Variants in CMTM8 observed in about 807,000 individuals in gnomAD.
The protein encoded by CMTM8 is CKLF-like MARVEL transmembrane domain-containing protein 8.
In CMTM8, 12 loss-of-function variants were observed where a neutral mutation model predicts 18.6. The observed-to-expected ratio is 0.65, with a 90% CI of 0.41 to 1.05. The LOEUF (loss-of-function observed/expected upper bound fraction) is 1.05. CMTM8 is among the 50% of genes least tolerant of loss of function. The probability of loss-of-function intolerance (pLI) is 0.00; values close to 1 mark genes in which losing one functional copy is unlikely to be tolerated. For synonymous variants in CMTM8, 87 were observed against 90.6 expected (o/e 0.96, Z 0.23); for missense variants, 217 against 227.2 (o/e 0.95, Z 0.29).
In CMTM8 at chr3:32,318,953, G is replaced by A. The variant is rs1019736932; in HGVS notation, c.148-38420G>A. On this transcript the variant is annotated intron_variant, in intron 1 of 3. Coordinates refer to ENST00000307526, the MANE Select transcript of CMTM8 (RefSeq NM_178868.5). ...CAGGATTTTAAGTGAAATTCTAGAT[G>A]GCATATCATTTCGTCCATAAATATT... is the stretch of plus-strand genomic sequence containing the variant. Among the ~76,000 whole-genome samples the A allele has an allele frequency of 3.9e-4, 58 of 149,248 alleles. 1 individual carries two copies. Among genetic ancestry groups the A allele is most frequent in the Admixed American group, 2.8e-3 (42 of 14,920 alleles).
chr3:32,346,636 G>T (rs1696601117), intron 1 of CMTM8, among the ~76,000 whole-genome samples: 1 of 151,860 alleles, frequency 6.6e-6, no homozygotes, highest in Admixed American at 6.6e-5. Flanking sequence ...TTTTATAAGG[G>T]TACTAATCTC....
chr3:32,251,390 C>T lies in CMTM8; in HGVS notation c.147+12271C>T, dbSNP rs149292461. Among the ~76,000 whole-genome samples the T allele has an allele frequency of 3.3e-3, 499 of 152,052 alleles. 2 individuals carry two copies. Among genetic ancestry groups the T allele is most frequent in the African/African-American group, 0.011 (455 of 41,494 alleles). ...GTGCAGTGGTGTGATCATTGCTTAC[C>T]GCAGCCTCAACCTCCTGGGCTCAGG... On this transcript the variant is annotated intron_variant, in intron 1 of 3. Transcript: ENST00000307526.
chr3:32,358,332 T>C lies in CMTM8; in HGVS notation c.321+786T>C, dbSNP rs1696856506. 6.6e-6 allele frequency among the ~76,000 whole-genome samples: 1 copy of C among 152,224 alleles called. No homozygotes were observed. Among genetic ancestry groups the C allele is most frequent in the Non-Finnish European group, 1.5e-5 (1 of 68,046 alleles). ...CACAGAGATGGAAAGTGGGTTCCCC[T>C]TGCCTTAAGAGCATTGACAATCTGG... On this transcript the variant is annotated intron_variant, in intron 2 of 3. Coordinates refer to ENST00000307526, the MANE Select transcript of CMTM8 (RefSeq NM_178868.5). The surrounding 1 kb of genome is among the most constrained non-coding windows in gnomAD (Gnocchi z 4.1).
At chr3:32,339,232 G>C (rs1696446285) in intron 1 of CMTM8, among the ~76,000 whole-genome samples, 2 of 152,184 alleles carry the variant, frequency 1.3e-5, no homozygotes, top group Admixed American at 6.5e-5. Flanking sequence ...GGGAAAATCA[G>C]GGTCCTGTGG....
intron 1 of CMTM8, among the ~76,000 whole-genome samples, chr3:32,251,186 A>G (rs1418052527): frequency 1.3e-5 from 2 of 152,212 alleles, no homozygotes; most frequent in Non-Finnish European, 2.9e-5. Context: ...GTCAGAGAGA[A>G]CACCAGCTAT....
At chr3:32,311,033 A>G (rs1231582091) in intron 1 of CMTM8, among the ~76,000 whole-genome samples, 1 of 152,222 alleles carries the variant, frequency 6.6e-6, no homozygotes, top group Non-Finnish European at 1.5e-5. Flanking sequence ...GTAAATTACT[A>G]ATGTAAACGA....
chr3:32,343,045 G>A (rs1184144056), intron 1 of CMTM8, among the ~76,000 whole-genome samples: 1 of 152,182 alleles, frequency 6.6e-6, no homozygotes, highest in African/African-American at 2.4e-5. Flanking sequence ...ACCATGTGCG[G>A]TAGTGTCACC....
chr3:32,347,582 A>C (rs1249695442), intron 1 of CMTM8, among the ~76,000 whole-genome samples: 4 of 152,046 alleles, frequency 2.6e-5, no homozygotes, highest in African/African-American at 9.7e-5. Context: ...TTTGTAGCTA[A>C]TTTTGTCTCA....
chr3:32,270,075 C>A (rs1008305572), intron 1 of CMTM8, among the ~76,000 whole-genome samples: 1 of 151,710 alleles, frequency 6.6e-6, no homozygotes, highest in Admixed American at 6.6e-5. Flanking sequence ...TACCAAGCTA[C>A]CTGGCTAATT....
chr3:32,275,312 T>C (rs533439091), intron 1 of CMTM8, among the ~76,000 whole-genome samples: 38 of 152,256 alleles, frequency 2.5e-4, no homozygotes, highest in African/African-American at 8.7e-4. Context: ...GTGATCTTTT[T>C]CTGAGCAGAA....
Position 32,364,617 on chromosome 3 carries a change from G to A in CMTM8, c.322-3255G>A, listed in dbSNP as rs116120120. ...AATGCTAAGAAGAGAGGCAGGTGAA[G>A]CTCCAGGGGAGCCATCCTTCCCAAA... On this transcript the variant is annotated intron_variant, in intron 2 of 3. Transcript: ENST00000307526. Among the ~76,000 whole-genome samples the A allele has an allele frequency of 1.7e-3, 260 of 152,338 alleles. 1 individual carries two copies. The highest frequency in any genetic ancestry group is 6.0e-3 in the African/African-American group (249 of 41,582).
chr3:32,353,137 G>T lies in CMTM8; in HGVS notation c.148-4236G>T, dbSNP rs144797284. On this transcript the variant is annotated intron_variant, in intron 1 of 3. Transcript: ENST00000307526. ...GCCTCCCTAGTAGCTGGGATTACAGGCATGCACCACCATGCCCAGCTAATT... is the reference window on the plus strand; with the variant it reads ...GCCTCCCTAGTAGCTGGGATTACAGTCATGCACCACCATGCCCAGCTAATT... Among the ~76,000 whole-genome samples, 367 of 152,238 alleles carry T rather than the reference G, an allele frequency of 2.4e-3. 2 individuals are homozygous for T. The highest frequency in any genetic ancestry group is 8.4e-3 in the African/African-American group (348 of 41,546).
chr3:32,260,018 C>CAGG, intron 1 of CMTM8: 1 of 1,128,712 alleles, frequency 8.9e-7, no homozygotes, highest in East Asian at 2.4e-5. Context: ...GCACCAGGCC[C>CAGG]AGGAGTACAA....
chr3:32,335,573 C>T (rs1304759334), intron 1 of CMTM8, among the ~76,000 whole-genome samples: 1 of 152,156 alleles, frequency 6.6e-6, no homozygotes, highest in African/African-American at 2.4e-5. Flanking sequence ...GTTTACTGAC[C>T]TTGGCCATTG....
intron 1 of CMTM8, among the ~76,000 whole-genome samples, chr3:32,250,209 C>T (rs1702095134): frequency 2.6e-5 from 4 of 152,174 alleles, no homozygotes; most frequent in Admixed American, 2.6e-4. Flanking sequence ...TCTGGATTCT[C>T]AGTTATATTT....
chr3:32,331,440 A>G (rs542938911), intron 1 of CMTM8, among the ~76,000 whole-genome samples: 3 of 152,102 alleles, frequency 2.0e-5, no homozygotes, highest in Non-Finnish European at 4.4e-5. Context: ...AAAATGTACT[A>G]TATGACCCAA....
Position 32,267,348 on chromosome 3 carries a change from G to A in CMTM8, c.147+28229G>A, listed in dbSNP as rs564838085. 1.7e-3 allele frequency among the ~76,000 whole-genome samples: 257 copies of A among 152,270 alleles called. 1 individual carries two copies. Among genetic ancestry groups the A allele is most frequent in the Non-Finnish European group, 3.2e-3 (216 of 68,028 alleles). On this transcript the variant is annotated intron_variant, in intron 1 of 3. Coordinates refer to ENST00000307526, the MANE Select transcript of CMTM8 (RefSeq NM_178868.5). ...CAAACCTGACAAAAACAAGAAATGG[G>A]GAAAGGATTCCCTATTTAATAAATG...
At chr3:32,283,404 G>C (rs945389362) in intron 1 of CMTM8, among the ~76,000 whole-genome samples, 1 of 152,286 alleles carries the variant, frequency 6.6e-6, no homozygotes, top group Middle Eastern at 3.4e-3. Context: ...CAGACTGAGC[G>C]CTTGCTATCT....
At chr3:32,297,185 T>A (rs1429255173) in intron 1 of CMTM8, among the ~76,000 whole-genome samples, 1 of 152,192 alleles carries the variant, frequency 6.6e-6, no homozygotes, top group Non-Finnish European at 1.5e-5. Context: ...TTTTTTAATT[T>A]ATTTATTTTT....
Sources: allele counts gnomAD v4.1 joint callset (sites outside exome capture counted in the v4.1 genomes callset), GRCh38; gene constraint gnomAD v4.1.1; non-coding constraint Gnocchi (gnomAD v3.1); transcripts MANE v1.5; gene names NCBI Gene and HGNC (gene_info 2026-07-23, HGNC 2026-07-21).